SCAF8: variants seen among roughly 807,000 people sequenced by gnomAD.
The protein encoded by SCAF8 is SR-related and CTD-associated factor 8.
A neutral mutation model predicts 140.5 loss-of-function variants in SCAF8; 23 were observed. The observed-to-expected ratio is 0.16, with a 90% CI of 0.12 to 0.23. The LOEUF is 0.23. Ranked by LOEUF, SCAF8 falls within the 10% of genes least tolerant of loss-of-function variation. The pLI, the probability that SCAF8 is intolerant of heterozygous loss-of-function variation, is 1.00. For synonymous variants in SCAF8, 575 were observed against 528.9 expected, an observed-to-expected ratio of 1.09 and a Z score of -1.20; for missense variants, 1,397 against 1,555.7, an observed-to-expected ratio of 0.90 and a Z score of 1.72.
intron 3 of SCAF8, among the ~76,000 whole-genome samples, chr6:154,785,090 A>T (rs1306145735): frequency 6.6e-6 from 1 of 152,178 alleles, no homozygotes; most frequent in African/African-American, 2.4e-5. Context: ...TAAATTTTTT[A>T]ATGTAATCCT....
chr6:154,810,821 G>T (rs762287292), intron 12 of SCAF8, among the ~76,000 whole-genome samples: 2 of 152,044 alleles, frequency 1.3e-5, no homozygotes, highest in Non-Finnish European at 2.9e-5. Context: ...TTCTTGGTGG[G>T]TTATGACTTT....
Position 154,832,435 on chromosome 6 carries a change from C to T in SCAF8, c.2856C>T (p.Ile952=). The change falls in exon 20 of 20, where the codon ATC becomes ATT. Residue 952 remains isoleucine, a synonymous_variant. Coordinates refer to ENST00000367178, the MANE Select transcript of SCAF8 (RefSeq NM_014892.5). ...IQPGIPPQRG[I]PPPSVLDSAL... ...CTGGAATTCCACCCCAACGGGGAAT[C>T]CCACCCCCATCGGTACTTGATTCAG... 1 of 1,614,120 alleles carries T rather than the reference C, an allele frequency of 6.2e-7. No individual in the cohort carries two copies. The highest frequency in any genetic ancestry group is 1.3e-5 in the African/African-American group (1 of 75,022).
At chr6:154,737,923 G>A (rs1778469142) in intron 1 of SCAF8, among the ~76,000 whole-genome samples, 1 of 152,104 alleles carries the variant, frequency 6.6e-6, no homozygotes. Context: ...ACCTTTTATG[G>A]CTTGCTAAGG....
Position 154,820,251 on chromosome 6 carries a change from T to C in SCAF8, c.1710T>C (p.Tyr570=). The change falls in exon 15 of 20, where the codon TAT becomes TAC. Residue 570 remains tyrosine, a synonymous_variant. Transcript: ENST00000367178. ...GGGATGTGGATCTTGGAGTTACATA[T>C]ATACCATGGGAAAAAGTTAAAGTGG... ...QFWDVDLGVT[Y]IPWEKVKVDD... is the part of the protein sequence containing the mutation. 6.2e-7 allele frequency: 1 copy of C among 1,611,936 alleles called. No homozygotes were observed. Among genetic ancestry groups the C allele is most frequent in the Non-Finnish European group, 8.5e-7 (1 of 1,179,102 alleles).
chr6:154,822,281 G>A lies in SCAF8; in HGVS notation c.1798G>A (p.Glu600Lys), dbSNP rs1174606819. ...IDQETVNTEW[E>K]TVKSSEPVKE... is the part of the protein sequence containing the mutation. ...ATTTCAACTATTTTGTTTAGAGTGG[G>A]AAACTGTGAAAAGCTCAGAACCTGT... Residue 600 changes from glutamate (E) to lysine (K), a missense_variant, in exon 16 of 20, where the codon GAA becomes AAA. Glu to Lys is a moderately conservative substitution (Grantham distance 56). This residue lies in a region of SCAF8 where 930 missense variants were observed against 874.6 expected (regional missense o/e 1.06). Transcript: ENST00000367178. 1 of 1,605,776 alleles carries A rather than the reference G, an allele frequency of 6.2e-7. No homozygotes were observed. The highest frequency in any genetic ancestry group is 8.5e-7 in the Non-Finnish European group (1 of 1,177,208).
At chr6:154,770,858 C>CT (rs2114841312) in intron 1 of SCAF8, among the ~76,000 whole-genome samples, 2 of 152,310 alleles carry the variant, frequency 1.3e-5, no homozygotes, top group East Asian at 3.9e-4. Flanking sequence ...AATTCTCATG[C>CT]TTCTGCCTCC....
intron 5 of SCAF8, among the ~76,000 whole-genome samples, chr6:154,793,440 A>G (rs1372716311): frequency 6.6e-6 from 1 of 151,714 alleles, no homozygotes; most frequent in Non-Finnish European, 1.5e-5. Flanking sequence ...AATTTTTTGA[A>G]ATTTTTATGA....
intron 10 of SCAF8, 35 bp downstream of exon 10, chr6:154,808,236 T>C (rs1351648284): frequency 6.3e-7 from 1 of 1,575,826 alleles, no homozygotes; most frequent in East Asian, 2.2e-5. Flanking sequence ...CATAAATTTC[T>C]AAAAGTAGCT....
chr6:154,740,453 C>G (rs1433174660), intron 1 of SCAF8, among the ~76,000 whole-genome samples: 1 of 152,040 alleles, frequency 6.6e-6, no homozygotes, highest in African/African-American at 2.4e-5. Context: ...TGTGCTGTTT[C>G]TTCCAGTGAT....
chr6:154,749,123 G>A lies in SCAF8; in HGVS notation c.30+15193G>A, dbSNP rs146968803. ...ATCCTTGGCTAATTTTGTATTTTTA[G>A]TAGAGATGGAGTTTCTCCTGGTTTA... On this transcript the variant is annotated intron_variant, in intron 1 of 19. Coordinates refer to ENST00000367178, the MANE Select transcript of SCAF8 (RefSeq NM_014892.5). Among the ~76,000 whole-genome samples the A allele has an allele frequency of 5.0e-3, 758 of 152,220 alleles. 6 individuals carry two copies. Among genetic ancestry groups the A allele is most frequent in the African/African-American group, 0.017 (711 of 41,530 alleles).
chr6:154,760,625 G>A (rs965001236), intron 1 of SCAF8, among the ~76,000 whole-genome samples: 1 of 152,160 alleles, frequency 6.6e-6, no homozygotes, highest in Non-Finnish European at 1.5e-5. Context: ...AGCAGATTAA[G>A]TTTCATGACA....
intron 18 of SCAF8, among the ~76,000 whole-genome samples, chr6:154,828,827 TAAAG>T (rs1778645501): frequency 6.6e-6 from 1 of 152,252 alleles, no homozygotes; most frequent in Non-Finnish European, 1.5e-5. Flanking sequence ...GAAGTATTAT[TAAAG>T]AAATTAGCTA....
chr6:154,792,207 G>A (rs1241613473), intron 4 of SCAF8, among the ~76,000 whole-genome samples: 2 of 152,094 alleles, frequency 1.3e-5, no homozygotes, highest in East Asian at 1.9e-4. Context: ...AAATGGTTAC[G>A]CTTCAGATTC....
intron 1 of SCAF8, among the ~76,000 whole-genome samples, chr6:154,760,407 A>C (rs987716874): frequency 1.3e-5 from 2 of 152,182 alleles, no homozygotes; most frequent in African/African-American, 4.8e-5. Context: ...CTTGCTAGAC[A>C]GATGTTTGCA....
In SCAF8 at chr6:154,826,271, A is replaced by G. The variant is rs535546627; in HGVS notation, c.2072-901A>G. 2.0e-4 allele frequency among the ~76,000 whole-genome samples: 30 copies of G among 152,284 alleles called. No individual in the cohort carries two copies. In the East Asian group the frequency reaches 5.8e-3, roughly 29 times the overall value. On this transcript the variant is annotated intron_variant, in intron 17 of 19. Transcript: ENST00000367178. ...TTTAAGTGATTATTTCAAAAATCAT[A>G]ACCATATAGGCTTTATAAAGTCATT...
chr6:154,740,572 C>G (rs536921870), intron 1 of SCAF8, among the ~76,000 whole-genome samples: 117 of 151,764 alleles, frequency 7.7e-4, no homozygotes, highest in African/African-American at 2.8e-3. Flanking sequence ...AGCACAGTAT[C>G]TCAATATACA....
chr6:154,802,793 AT>A (rs1462707825), intron 7 of SCAF8, among the ~76,000 whole-genome samples: 2 of 152,126 alleles, frequency 1.3e-5, no homozygotes, highest in Non-Finnish European at 2.9e-5. Context: ...GGGTTCTGTA[AT>A]TTGGACCTGC....
chr6:154,825,246 C>A (rs1778532155), intron 17 of SCAF8: 1 of 152,132 alleles, frequency 6.6e-6, no homozygotes. Flanking sequence ...CTGTATCATT[C>A]CAGTTTTAGG....
At chr6:154,757,290 C>T (rs553589984) in intron 1 of SCAF8, among the ~76,000 whole-genome samples, 3 of 152,170 alleles carry the variant, frequency 2.0e-5, no homozygotes, top group Admixed American at 6.5e-5. Flanking sequence ...CCACCGTGCC[C>T]AGCCAATAAA....
Sources: allele counts gnomAD v4.1 joint callset (sites outside exome capture counted in the v4.1 genomes callset), GRCh38; gene constraint gnomAD v4.1.1; regional missense constraint gnomAD v4.1.1; transcripts MANE v1.5; gene names NCBI Gene and HGNC (gene_info 2026-07-23, HGNC 2026-07-21).